Variants in FLT1 observed in about 807,000 individuals in gnomAD.
FLT1 encodes vascular endothelial growth factor receptor 1.
FLT1 carries 49 observed loss-of-function variants against 156.3 expected under a neutral mutation model. That is an observed-to-expected ratio of 0.31 (90% CI 0.25 to 0.40). FLT1 has a LOEUF of 0.40. FLT1 is among the 10% of genes least tolerant of loss of function. The probability of loss-of-function intolerance (pLI) is 1.00; values close to 1 mark genes in which losing one functional copy is unlikely to be tolerated. For missense variants in FLT1, 1,322 were observed against 1,637.2 expected (o/e 0.81, Z 3.32); for synonymous variants, 594 against 583.8 (o/e 1.02, Z -0.25).
At chr13:28,407,082 C>G (rs967998164) in intron 10 of FLT1, among the ~76,000 whole-genome samples, 3 of 152,070 alleles carry the variant, frequency 2.0e-5, no homozygotes, top group Non-Finnish European at 4.4e-5. Context: ...TCTGAGTCCC[C>G]GCTGGGCCAA....
Position 28,427,912 on chromosome 13 carries a change from A to G in FLT1, c.1116T>C (p.Asp372=). The change falls in exon 9 of 30, where the codon GAT becomes GAC. Residue 372 remains aspartate (D), a synonymous_variant. Transcript: ENST00000282397. ...FPSPEVVWLK[D]GLPATEKSAR... is the part of the protein sequence containing the mutation. ...CAGATTTCTCAGTCGCAGGTAACCCATCTTTTAACCTGTGGTTAAAAACAT... is the reference window on the plus strand; with the variant it reads ...CAGATTTCTCAGTCGCAGGTAACCCGTCTTTTAACCTGTGGTTAAAAACAT... The G allele has an allele frequency of 6.2e-7, 1 of 1,613,872 alleles. No individual in the cohort carries two copies. The highest frequency in any genetic ancestry group is 8.5e-7 in the Non-Finnish European group (1 of 1,179,776).
intron 4 of FLT1, among the ~76,000 whole-genome samples, chr13:28,435,703 C>A (rs1877987444): frequency 6.6e-6 from 1 of 152,196 alleles, no homozygotes; most frequent in Non-Finnish European, 1.5e-5. Context: ...AGTCCAGAAG[C>A]CACTAGTGCC....
chr13:28,452,059 T>C (rs1321493780), intron 3 of FLT1, among the ~76,000 whole-genome samples: 1 of 152,232 alleles, frequency 6.6e-6, no homozygotes, highest in Admixed American at 6.5e-5. Context: ...TTCTAGCTAT[T>C]AAGCATTGGC....
intron 15 of FLT1, among the ~76,000 whole-genome samples, chr13:28,355,807 C>T (rs1872877914): frequency 6.6e-6 from 1 of 152,224 alleles, no homozygotes; most frequent in African/African-American, 2.4e-5. Context: ...AACAGCAGGC[C>T]TCCTGCAGAG....
chr13:28,359,105 G>C (rs1226992983), intron 14 of FLT1, among the ~76,000 whole-genome samples: 1 of 152,024 alleles, frequency 6.6e-6, no homozygotes, highest in East Asian at 1.9e-4. Context: ...GAAAAGTTGA[G>C]AAATATTTGA....
intron 28 of FLT1, chr13:28,308,511 C>A: frequency 2.7e-6 from 1 of 372,894 alleles, no homozygotes; most frequent in South Asian, 2.3e-5. Context: ...AGCCCATCAC[C>A]CACACAGCTG....
intron 11 of FLT1, among the ~76,000 whole-genome samples, chr13:28,404,111 A>C (rs1270615077): frequency 6.6e-6 from 1 of 152,172 alleles, no homozygotes; most frequent in Non-Finnish European, 1.5e-5. Context: ...AACTTCCTCT[A>C]AGTATTTCAT....
chr13:28,348,234 C>G (rs1006961275), intron 15 of FLT1, among the ~76,000 whole-genome samples: 8 of 152,212 alleles, frequency 5.3e-5, no homozygotes, highest in Non-Finnish European at 1.2e-4. Context: ...GTCTGTCCTC[C>G]ACCTCTGCAG....
At chr13:28,400,824 T>G (rs1247259820) in intron 11 of FLT1, among the ~76,000 whole-genome samples, 1 of 152,270 alleles carries the variant, frequency 6.6e-6, no homozygotes, top group Non-Finnish European at 1.5e-5. Context: ...AAATAAATTC[T>G]TAAGGATATC....
At chr13:28,332,972 C>T (rs1871986227) in intron 18 of FLT1, among the ~76,000 whole-genome samples, 1 of 152,206 alleles carries the variant, frequency 6.6e-6, no homozygotes, top group Non-Finnish European at 1.5e-5. Flanking sequence ...AACAAAAGTT[C>T]TGACTTGTGG....
intron 7 of FLT1, 108 bp from the exon 8 acceptor site, chr13:28,430,275 G>A (rs1345180191): frequency 1.3e-6 from 1 of 773,694 alleles, no homozygotes; most frequent in Non-Finnish European, 2.3e-6. Flanking sequence ...AAACAGAGCT[G>A]AATTATGATA....
chr13:28,389,154 A>G, intron 13 of FLT1: 4 of 1,071,192 alleles, frequency 3.7e-6, no homozygotes, highest in Non-Finnish European at 3.4e-6. Context: ...CGTAAAAAAA[A>G]AAAAAGCATT....
intron 14 of FLT1, among the ~76,000 whole-genome samples, chr13:28,372,082 T>A (rs1272208865): frequency 5.9e-5 from 5 of 84,386 alleles, no homozygotes; most frequent in Non-Finnish European, 9.7e-5. Flanking sequence ...ATATATTTTT[T>A]TTTTTTTTTT....
At chr13:28,362,558 C>T (rs1275271956) in intron 14 of FLT1, among the ~76,000 whole-genome samples, 1 of 152,114 alleles carries the variant, frequency 6.6e-6, no homozygotes, top group African/African-American at 2.4e-5. Context: ...GTGGCTCATG[C>T]CTATAATCCC....
intron 25 of FLT1, among the ~76,000 whole-genome samples, chr13:28,313,399 T>C (rs1397238766): frequency 6.6e-6 from 1 of 152,200 alleles, no homozygotes; most frequent in African/African-American, 2.4e-5. Context: ...ATACACACAC[T>C]GCATTAAGAA....
Position 28,302,905 on chromosome 13 carries a change from T to C in FLT1, c.*262A>G, listed in dbSNP as rs543451088. 13 of 499,842 alleles carry C rather than the reference T, an allele frequency of 2.6e-5. No homozygotes were observed. The highest frequency in any genetic ancestry group is 6.7e-5 in the Admixed American group (2 of 29,848). 31.0% of individuals were successfully genotyped at this position (499,842 alleles called of 1,614,324 possible). On this transcript the variant is annotated 3_prime_UTR_variant, in exon 30 of 30. Transcript: ENST00000282397. ...GGCGGGGGTTGGAGCAGGGAAGTCA[T>C]TGGGTTTAGGAAGGATTTCTCTAAC...
At chr13:28,468,748 C>T (rs963520457) in intron 1 of FLT1, among the ~76,000 whole-genome samples, 1 of 152,138 alleles carries the variant, frequency 6.6e-6, no homozygotes, top group African/African-American at 2.4e-5. Flanking sequence ...CCTGTTTTGC[C>T]TTTGACATGA....
intron 14 of FLT1, among the ~76,000 whole-genome samples, chr13:28,378,498 C>G (rs983010347): frequency 5.9e-5 from 9 of 152,134 alleles, no homozygotes. Flanking sequence ...TGCTAAATGC[C>G]CATATGTTCA....
intron 11 of FLT1, among the ~76,000 whole-genome samples, chr13:28,402,781 G>T (rs924816368): frequency 6.6e-6 from 1 of 151,904 alleles, no homozygotes; most frequent in East Asian, 1.9e-4. Context: ...GTTACGTTAC[G>T]TTATGTTATT....
Sources: allele counts gnomAD v4.1 joint callset (sites outside exome capture counted in the v4.1 genomes callset), GRCh38; gene constraint gnomAD v4.1.1; transcripts MANE v1.5; gene names NCBI Gene and HGNC (gene_info 2026-07-23, HGNC 2026-07-21).